The following NLRP12 variants were observed in gnomAD, a reference collection of about 807,000 sequenced individuals.
NLRP12 encodes the protein NLR family pyrin domain containing 12.
In NLRP12, 108 loss-of-function variants were observed where a neutral mutation model predicts 91.2. That is an observed-to-expected ratio of 1.18 (90% CI 1.01 to 1.39). The LOEUF (loss-of-function observed/expected upper bound fraction) is 1.39. Ranked by LOEUF, NLRP12 falls within the 40% of genes most tolerant of loss-of-function variation. The pLI is 0.00. For synonymous variants in NLRP12, 613 were observed against 566.7 expected (o/e 1.08, Z -1.16); for missense variants, 1,530 against 1,352.7 (o/e 1.13, Z -2.06).
chr19:53,814,843 TA>T, intron 2 of NLRP12, 64 bp downstream of exon 2: 1 of 1,368,018 alleles, frequency 7.3e-7, no homozygotes, highest in Non-Finnish European at 1.0e-6. Context: ...GTGGTTGGCC[TA>T]CACTCCGTGG....
intron 6 of NLRP12, among the ~76,000 whole-genome samples, chr19:53,802,219 C>T (rs982939322): frequency 2.0e-5 from 3 of 151,582 alleles, no homozygotes; most frequent in Non-Finnish European, 4.4e-5. Context: ...AAGAGTGGAA[C>T]TCCATCTCAA....
intron 3 of NLRP12, among the ~76,000 whole-genome samples, chr19:53,809,275 G>A (rs1236369135): frequency 2.7e-5 from 4 of 149,818 alleles, no homozygotes; most frequent in Admixed American, 6.7e-5. Flanking sequence ...GCTCATGCCT[G>A]TAATCCCAGC....
Position 53,801,345 on chromosome 19 carries a change from G to C in NLRP12, c.2638C>G (p.Leu880Val). The stretch of plus-strand genomic sequence containing the variant: ...TCTCTCAGGCTCTGGTTCACACTGA[G>C]AGTTGAGGCCAGCTCGTCACAGGCA... ...AAACDELASTLSVNQSLRELD... is the reference protein window; with the variant it reads ...AAACDELASTVSVNQSLRELD... The change falls in exon 7 of 10, where the codon CTC becomes GTC. Residue 880 changes from leucine to valine, a missense_variant. Transcript: ENST00000324134. The C allele has an allele frequency of 3.7e-6, 6 of 1,613,928 alleles. No individual in the cohort carries two copies. Among genetic ancestry groups the C allele is most frequent in the Non-Finnish European group, 5.1e-6 (6 of 1,179,990 alleles).
downstream of NLRP12, chr19:53,793,737 A>C (rs1057036168): frequency 2.4e-5 from 10 of 414,924 alleles, no homozygotes; most frequent in East Asian, 3.2e-4. Flanking sequence ...GGTGCCCGCC[A>C]CCATGCCTGG....
At chr19:53,822,483 A>G (rs938288274) in intron 1 of NLRP12, among the ~76,000 whole-genome samples, 9 of 152,024 alleles carry the variant, frequency 5.9e-5, no homozygotes, top group Admixed American at 1.3e-4. Context: ...CCGTAATCCC[A>G]GCACTTTGGG....
rs1225447416 is a variant in NLRP12, at chr19:53,814,988, T to C, written c.290A>G (p.Asp97Gly). 3.1e-6 allele frequency: 5 copies of C among 1,612,868 alleles called. No homozygotes were observed. The South Asian group carries it at 4.4e-5, about 14-fold the overall frequency. ...ERGQREDLVR[D>G]TPPGGPSSLG... ...TGAGGACGGGCCACCAGGTGGGGTA[T>C]CTGGAAGAGAAATTGTGGAAGATGA... The change falls in exon 2 of 10, where the codon GAT (aspartate) becomes GGT (glycine). Residue 97 changes from aspartate to glycine, a missense_variant and splice_region_variant. By Grantham distance (94) the Asp-to-Gly change is moderately conservative. Coordinates refer to ENST00000324134, the MANE Select transcript of NLRP12 (RefSeq NM_144687.4).
At position 53,823,891 on chromosome 19, in the gene NLRP12, A is replaced by G; in HGVS notation, c.284T>C (p.Val95Ala). ...LWERGQREDLVRDTPPGGPSS... is the reference protein window; with the variant it reads ...LWERGQREDLARDTPPGGPSS... ...CTGTCCCGCCACCTCCTTACCCCTC[A>G]CCAGGTCCTCTCTCTGTCCTCTCTC... Residue 95 changes from valine to alanine, a missense_variant, in exon 1 of 10, where the codon GTG (valine) becomes GCG (alanine). Val to Ala is a moderately conservative substitution (Grantham distance 64). Coordinates refer to ENST00000324134, the MANE Select transcript of NLRP12 (RefSeq NM_144687.4). 1 of 1,613,634 alleles carries G rather than the reference A, an allele frequency of 6.2e-7. No individual in the cohort carries two copies. The highest frequency in any genetic ancestry group is 8.5e-7 in the Non-Finnish European group (1 of 1,179,938).
intron 4 of NLRP12, chr19:53,805,896 G>A (rs890633651): frequency 4.3e-6 from 1 of 230,436 alleles, no homozygotes; most frequent in African/African-American, 2.3e-5. Context: ...AATATAAAAT[G>A]TTTTGATGCT....
Position 53,795,912 on chromosome 19 carries a change from G to A in NLRP12, c.3045C>T (p.Val1015=). Residue 1015 remains valine, a synonymous_variant, in exon 9 of 10, where the codon GTC becomes GTT. Coordinates refer to ENST00000324134, the MANE Select transcript of NLRP12 (RefSeq NM_144687.4). Reference sequence around the variant, plus strand: ...GGCTCAGCCGCTTGCAAAGCAGTCGGACACCTGTGTCCCCTAGGGCGTTGT... The same window carrying A: ...GGCTCAGCCGCTTGCAAAGCAGTCGAACACCTGTGTCCCCTAGGGCGTTGT... ...LTNNALGDTG[V]RLLCKRLSHP... The A allele has an allele frequency of 1.2e-6, 2 of 1,614,164 alleles. No individual in the cohort carries two copies. Among genetic ancestry groups the A allele is most frequent in the Non-Finnish European group, 1.7e-6 (2 of 1,180,040 alleles).
intron 1 of NLRP12, among the ~76,000 whole-genome samples, chr19:53,821,031 C>CTTTTTTTTTTTT (rs1158419664): frequency 1.8e-4 from 15 of 81,284 alleles, no homozygotes; most frequent in African/African-American, 8.1e-4. Flanking sequence ...CATATTTTTT[C>CTTTTTTTTTTTT]TTTTTTTTTT....
chr19:53,801,136 G>C, intron 7 of NLRP12, 91 bp downstream of exon 7: 1 of 1,199,458 alleles, frequency 8.3e-7, no homozygotes, highest in Non-Finnish European at 1.2e-6. Flanking sequence ...TAGAGTTTAG[G>C]AGCAGAGACA....
chr19:53,813,025 T>C (rs1392089400), intron 2 of NLRP12, among the ~76,000 whole-genome samples: 1 of 151,398 alleles, frequency 6.6e-6, no homozygotes, highest in Non-Finnish European at 1.5e-5. Flanking sequence ...GATTTACAGG[T>C]GCTCGCCACC....
intron 1 of NLRP12, among the ~76,000 whole-genome samples, chr19:53,823,012 C>T (rs189095445): frequency 3.3e-5 from 5 of 151,518 alleles, no homozygotes; most frequent in African/African-American, 1.2e-4. Context: ...AGGTGACCCA[C>T]CCGCCTTGGC....
At position 53,807,781 on chromosome 19, in the gene NLRP12, G is replaced by A. The variant is rs1028189227; in HGVS notation, c.2073-116C>T. On this transcript the variant is annotated intron_variant, in intron 3 of 9. Transcript: ENST00000324134. ...CTATCCTTTTTTGAGACGGAGTTTC[G>A]CTCTTGTTGCCCAGGCTGGAGTGCA... 25 of 1,239,632 alleles carry A rather than the reference G, an allele frequency of 2.0e-5. 1 individual carries two copies. The highest frequency in any genetic ancestry group is 7.5e-5 in the East Asian group (3 of 40,002). 76.8% of individuals were successfully genotyped at this position (1,239,632 alleles called of 1,614,324 possible).
At chr19:53,820,659 C>T (rs2092252197) in intron 1 of NLRP12, among the ~76,000 whole-genome samples, 1 of 151,632 alleles carries the variant, frequency 6.6e-6, no homozygotes, top group African/African-American at 2.4e-5. Context: ...GCCTGGGCAA[C>T]ATAGTGAGAC....
chr19:53,814,652 CT>C (rs1398534085), intron 2 of NLRP12, among the ~76,000 whole-genome samples: 1 of 152,148 alleles, frequency 6.6e-6, no homozygotes, highest in African/African-American at 2.4e-5. Context: ...TACCTGGCCT[CT>C]TAGCCTTCCT....
At chr19:53,813,281 C>CTTTTT (rs34880938) in intron 2 of NLRP12, among the ~76,000 whole-genome samples, 6 of 111,408 alleles carry the variant, frequency 5.4e-5, no homozygotes, top group Admixed American at 9.5e-5. Flanking sequence ...AACTGCTATT[C>CTTTTT]TTTTTTTTTT....
intron 7 of NLRP12, among the ~76,000 whole-genome samples, chr19:53,798,720 A>C (rs1197853020): frequency 6.6e-6 from 1 of 152,072 alleles, no homozygotes; most frequent in Non-Finnish European, 1.5e-5. Flanking sequence ...CTGGACAACC[A>C]ATAACTTGTC....
At chr19:53,816,107 C>T (rs916819160) in intron 1 of NLRP12, among the ~76,000 whole-genome samples, 1 of 151,954 alleles carries the variant, frequency 6.6e-6, no homozygotes, top group African/African-American at 2.4e-5. Flanking sequence ...TCATAAGATT[C>T]TACACATCGA....
Sources: gnomAD v4.1 joint callset for allele counts (sites outside exome capture counted in the v4.1 genomes callset) on GRCh38, gnomAD v4.1.1 for gene constraint, MANE v1.5 for transcripts, NCBI Gene and HGNC (gene_info 2026-07-23, HGNC 2026-07-21) for gene names.